TRMT11: variants seen among roughly 807,000 people sequenced by gnomAD.
TRMT11 encodes tRNA methyltransferase 11, also known as tRNA (guanine(10)-N(2))-methyltransferase TRMT11.
Under a neutral mutation model 62.8 loss-of-function variants are expected in TRMT11, and 53 were observed. The ratio of observed to expected loss-of-function variants is 0.84; its 90% CI spans 0.68 to 1.06. The LOEUF (loss-of-function observed/expected upper bound fraction) is 1.06. Ranked by LOEUF, TRMT11 falls within the 50% of genes least tolerant of loss-of-function variation. The pLI is 0.00. For synonymous variants in TRMT11, 188 were observed against 190.3 expected (o/e 0.99, Z 0.10); for missense variants, 556 against 553.4 (o/e 1.00, Z -0.05).
At chr6:126,172,386 C>G (rs76264345), upstream of TRMT11, among the ~76,000 whole-genome samples, 141 of 152,264 alleles carry the variant, frequency 9.3e-4, 1 homozygote, top group East Asian at 0.022. Flanking sequence ...ATCTGTCTTT[C>G]CCATCATGTG....
At chr6:125,993,074 C>T (rs1201498860) in intron 1 of TRMT11, among the ~76,000 whole-genome samples, 1 of 152,054 alleles carries the variant, frequency 6.6e-6, no homozygotes, top group Non-Finnish European at 1.5e-5. Context: ...GGAACACTTA[C>T]CTCTCATTAG....
chr6:126,226,267 A>T, the TRMT11 span, among the ~76,000 whole-genome samples: 5 of 152,224 alleles, frequency 3.3e-5, no homozygotes, highest in Non-Finnish European at 7.3e-5. Flanking sequence ...ATAAACTCGT[A>T]ATTTTGACTG....
intron 21 of TRMT11, among the ~76,000 whole-genome samples, chr6:126,155,986 A>G (rs1226210942): frequency 6.6e-6 from 1 of 152,084 alleles, no homozygotes; most frequent in African/African-American, 2.4e-5. Context: ...TCAGCCTCCC[A>G]AAGTGCTGGG....
At chr6:126,017,966 G>A (rs370617077) in intron 11 of TRMT11, among the ~76,000 whole-genome samples, 3 of 152,140 alleles carry the variant, frequency 2.0e-5, no homozygotes, top group East Asian at 1.9e-4. Flanking sequence ...TATCCATTTA[G>A]CTTTATCTAA....
intron 9 of TRMT11, among the ~76,000 whole-genome samples, chr6:126,011,646 CT>C (rs1225575803): frequency 6.6e-6 from 1 of 152,056 alleles, no homozygotes; most frequent in African/African-American, 2.4e-5. Context: ...TTGCCATCCC[CT>C]GTTATATCCT....
At chr6:126,238,054 G>C in the TRMT11 span, among the ~76,000 whole-genome samples, 2 of 152,258 alleles carry the variant, frequency 1.3e-5, no homozygotes, top group East Asian at 3.9e-4. Flanking sequence ...GATCGGTGGT[G>C]ATATCCCCTT....
At chr6:126,088,104 A>C (rs1033113616) in intron 17 of TRMT11, among the ~76,000 whole-genome samples, 1 of 151,468 alleles carries the variant, frequency 6.6e-6, no homozygotes, top group Non-Finnish European at 1.5e-5. Context: ...TATAGTGTAT[A>C]TAGTACATAG....
intron 17 of TRMT11, among the ~76,000 whole-genome samples, chr6:126,058,290 CT>C (rs1776428677): frequency 1.3e-5 from 2 of 152,188 alleles, no homozygotes; most frequent in South Asian, 4.1e-4. Context: ...TGAACTCCTC[CT>C]TTTTTATGGC....
At chr6:126,174,178 T>C (rs1778360001), upstream of TRMT11, among the ~76,000 whole-genome samples, 1 of 152,180 alleles carries the variant, frequency 6.6e-6, no homozygotes, top group African/African-American at 2.4e-5. Context: ...AGGAATGGCA[T>C]TGGTGGAGTG....
chr6:126,152,768 T>C (rs1448183854), intron 21 of TRMT11, among the ~76,000 whole-genome samples: 2 of 152,198 alleles, frequency 1.3e-5, no homozygotes, highest in Non-Finnish European at 2.9e-5. Context: ...GGAAGAAAGA[T>C]TGAAGCCATG....
rs183764116 is a variant in TRMT11, at chr6:126,027,262, G to A, written c.1260+5982G>A. Among the ~76,000 whole-genome samples, 422 of 152,286 alleles carry A rather than the reference G, an allele frequency of 2.8e-3. 1 individual carries two copies. The highest frequency in any genetic ancestry group is 4.9e-3 in the Non-Finnish European group (333 of 68,002). ...TCTCCAGAGTTGTCCACAACAGACTGAGGTATAATAGTTACGTTTTCAATG... is the reference window on the plus strand; with the variant it reads ...TCTCCAGAGTTGTCCACAACAGACTAAGGTATAATAGTTACGTTTTCAATG... On this transcript the variant is annotated intron_variant, in intron 12 of 12. Transcript: ENST00000334379.
At chr6:126,044,428 A>G (rs913710201) in intron 16 of TRMT11, among the ~76,000 whole-genome samples, 1 of 152,146 alleles carries the variant, frequency 6.6e-6, no homozygotes, top group African/African-American at 2.4e-5. Flanking sequence ...CTGTTTTGGT[A>G]CCAGTACCAT....
At chr6:126,110,809 A>G (rs1297393874) in intron 17 of TRMT11, among the ~76,000 whole-genome samples, 4 of 152,262 alleles carry the variant, frequency 2.6e-5, no homozygotes, top group Admixed American at 1.3e-4. Context: ...ATCTATTGTC[A>G]TCATGATTTA....
chr6:126,245,275 G>A, the TRMT11 span, among the ~76,000 whole-genome samples: 23 of 152,144 alleles, frequency 1.5e-4, no homozygotes, highest in Non-Finnish European at 2.5e-4. Context: ...TGTGCTGTGT[G>A]GACAAAGAAG....
intron 3 of TRMT11, among the ~76,000 whole-genome samples, chr6:125,997,563 G>A (rs924999025): frequency 1.3e-4 from 20 of 152,238 alleles, no homozygotes; most frequent in Admixed American, 2.6e-4. Flanking sequence ...GCTGGAGTGC[G>A]GTGACATGAT....
intron 12 of TRMT11, among the ~76,000 whole-genome samples, chr6:126,024,883 G>A (rs1387973772): frequency 6.6e-6 from 1 of 152,166 alleles, no homozygotes; most frequent in Non-Finnish European, 1.5e-5. Flanking sequence ...AGAAATCATA[G>A]CATTTAATAG....
At chr6:126,083,804 A>G (rs1227588854) in intron 17 of TRMT11, among the ~76,000 whole-genome samples, 1 of 152,060 alleles carries the variant, frequency 6.6e-6, no homozygotes, top group Non-Finnish European at 1.5e-5. Flanking sequence ...GGTAAACACT[A>G]TTTTGCTCTC....
At chr6:126,169,481 C>T (rs1480705859) in intron 21 of TRMT11, among the ~76,000 whole-genome samples, 1 of 152,202 alleles carries the variant, frequency 6.6e-6, no homozygotes, top group East Asian at 1.9e-4. Context: ...TTAGTTTTCA[C>T]AGATACATGC....
At chr6:126,077,680 T>C (rs778452992) in intron 17 of TRMT11, among the ~76,000 whole-genome samples, 8 of 152,184 alleles carry the variant, frequency 5.3e-5, no homozygotes, top group Non-Finnish European at 1.0e-4. Flanking sequence ...CAACCAATCA[T>C]TGAGTATTTG....
Sources: allele counts gnomAD v4.1 joint callset (sites outside exome capture counted in the v4.1 genomes callset), GRCh38; gene constraint gnomAD v4.1.1; transcripts MANE v1.5; gene names NCBI Gene and HGNC (gene_info 2026-07-23, HGNC 2026-07-21).